NAV2: variants seen among roughly 807,000 people sequenced by gnomAD.
NAV2 encodes the protein helicase, APC down-regulated 1.
NAV2 carries 54 observed loss-of-function variants against 223.2 expected under a neutral mutation model. The ratio of observed to expected loss-of-function variants is 0.24; its 90% CI spans 0.19 to 0.30. NAV2 has a LOEUF of 0.30. Among genes scored for constraint, NAV2 ranks in the 10% least tolerant of loss-of-function variants. The probability of loss-of-function intolerance (pLI) is 1.00; values close to 1 mark genes in which losing one functional copy is unlikely to be tolerated. For synonymous variants in NAV2, 1,279 were observed against 1,239.3 expected, an observed-to-expected ratio of 1.03 and a Z score of -0.67; for missense variants, 2,806 against 3,147.5, an observed-to-expected ratio of 0.89 and a Z score of 2.60.
At chr11:19,686,769 A>T (rs1008781574) in intron 1 of NAV2, among the ~76,000 whole-genome samples, 1 of 152,120 alleles carries the variant, frequency 6.6e-6, no homozygotes, top group African/African-American at 2.4e-5. Flanking sequence ...CTTCAATAAG[A>T]TACTCCCTTC....
At chr11:19,726,180 C>T (rs1298830944) in intron 1 of NAV2, among the ~76,000 whole-genome samples, 3 of 152,208 alleles carry the variant, frequency 2.0e-5, no homozygotes, top group Non-Finnish European at 4.4e-5. Flanking sequence ...CCTTAACAGG[C>T]TAGATTATTT....
chr11:20,066,067 T>G (rs1481190500), intron 20 of NAV2, among the ~76,000 whole-genome samples: 1 of 152,204 alleles, frequency 6.6e-6, no homozygotes, highest in Non-Finnish European at 1.5e-5. Flanking sequence ...GCAATAGTAT[T>G]AGTACCTCCT....
At chr11:19,592,075 C>T (rs1380500472) in intron 1 of NAV2, among the ~76,000 whole-genome samples, 1 of 151,622 alleles carries the variant, frequency 6.6e-6, no homozygotes. Flanking sequence ...ACGTTTGGAT[C>T]ATCATTGAAT....
At chr11:19,947,148 G>T (rs952348019) in intron 9 of NAV2, among the ~76,000 whole-genome samples, 1 of 152,176 alleles carries the variant, frequency 6.6e-6, no homozygotes, top group Non-Finnish European at 1.5e-5. Context: ...CTCCCAGGGA[G>T]TCTCCTTTGC....
At chr11:19,888,217 A>G (rs1037907156) in intron 5 of NAV2, among the ~76,000 whole-genome samples, 9 of 152,180 alleles carry the variant, frequency 5.9e-5, no homozygotes, top group African/African-American at 2.2e-4. Context: ...GTGTTTGGAC[A>G]TACAGTGATT....
chr11:19,350,117 C>G (rs200751281), upstream of NAV2, among the ~76,000 whole-genome samples: 8 of 30,300 alleles, frequency 2.6e-4, no homozygotes, highest in Admixed American at 6.6e-4. Flanking sequence ...TGATGATGAT[C>G]ATGCACCCCA....
intron 1 of NAV2, among the ~76,000 whole-genome samples, chr11:19,585,216 CT>C (rs1394970163): frequency 6.6e-6 from 1 of 151,538 alleles, no homozygotes; most frequent in Admixed American, 6.6e-5. Context: ...GCCTTTTTTT[CT>C]TTTCCATTTG....
chr11:19,378,071 T>C (rs1387942350), intron 1 of NAV2, among the ~76,000 whole-genome samples: 1 of 152,146 alleles, frequency 6.6e-6, no homozygotes, highest in East Asian at 1.9e-4. Flanking sequence ...AAACAGCTCC[T>C]CTCCAGAGAG....
At chr11:19,352,139 G>T (rs1853364340) in intron 1 of NAV2, among the ~76,000 whole-genome samples, 1 of 152,138 alleles carries the variant, frequency 6.6e-6, no homozygotes, top group East Asian at 1.9e-4. Context: ...GCTATAATTT[G>T]GGAAGAATGC....
chr11:19,377,093 G>T lies in NAV2; in HGVS notation c.75+26066G>T, dbSNP rs551190274. ...CCCCAGACAAGCATCAGGAGACCTG[G>T]TTCTGGCTCCCAGCAATCTCTGTCC... On this transcript the variant is annotated intron_variant, in intron 1 of 37. Coordinates refer to the NAV2 transcript ENST00000360655. Among the ~76,000 whole-genome samples the T allele has an allele frequency of 3.3e-5, 5 of 152,304 alleles. No individual in the cohort carries two copies. The East Asian group carries it at 5.8e-4, about 18-fold the overall frequency.
chr11:19,807,752 C>A (rs1222534661), intron 1 of NAV2, among the ~76,000 whole-genome samples: 3 of 152,230 alleles, frequency 2.0e-5, no homozygotes, highest in Non-Finnish European at 4.4e-5. Flanking sequence ...GTGCTCATAG[C>A]AGTGTTCTCC....
chr11:19,801,052 G>A (rs1359983609), intron 1 of NAV2, among the ~76,000 whole-genome samples: 1 of 152,184 alleles, frequency 6.6e-6, no homozygotes, highest in Non-Finnish European at 1.5e-5. Context: ...GGGAGGTTTT[G>A]TATTTTAACC....
chr11:19,421,795 C>T (rs1850624487), intron 1 of NAV2, among the ~76,000 whole-genome samples: 1 of 98,574 alleles, frequency 1.0e-5, no homozygotes, highest in Admixed American at 1.5e-4. Flanking sequence ...TTTGCCCAAG[C>T]ATGAGAAGTT....
At chr11:20,024,246 A>G (rs553937549) in intron 11 of NAV2, among the ~76,000 whole-genome samples, 1 of 152,308 alleles carries the variant, frequency 6.6e-6, no homozygotes, top group Admixed American at 6.5e-5. Flanking sequence ...AGGGCTGTGT[A>G]TTAAGAAGCA....
In NAV2 at chr11:20,077,904, G is replaced by T. The variant is rs113300719; in HGVS notation, c.5068-89G>T. On this transcript the variant is annotated intron_variant, in intron 23 of 37. Transcript: ENST00000349880. ...GGTTTTGTTGAGCTACTTCATTCCC[G>T]CTCCTCCTGTGTTGAAGCCAAGTTG... 9.6e-3 allele frequency: 9,805 copies of T among 1,022,570 alleles called. 67 individuals are homozygous for T. Among genetic ancestry groups the T allele is most frequent in the Non-Finnish European group, 0.011 (7,420 of 668,094 alleles). 63.3% of individuals were successfully genotyped at this position (1,022,570 alleles called of 1,614,324 possible). A position where few individuals can be genotyped will look rare whatever the true frequency, so the allele number is the denominator to read the frequency against.
At chr11:19,753,093 A>AT (rs755961428) in intron 1 of NAV2, among the ~76,000 whole-genome samples, 1 of 152,218 alleles carries the variant, frequency 6.6e-6, no homozygotes, top group Non-Finnish European at 1.5e-5. Context: ...GAACCTAACC[A>AT]TGCTGGCACC....
At chr11:19,961,648 A>T (rs78591311) in intron 10 of NAV2, among the ~76,000 whole-genome samples, 7,212 of 152,192 alleles carry the variant, frequency 0.047, 539 homozygotes, top group African/African-American at 0.16. Context: ...GACCATAGGG[A>T]AATTTCTTCC....
At chr11:19,851,087 A>C (rs888115254) in intron 3 of NAV2, among the ~76,000 whole-genome samples, 7 of 152,170 alleles carry the variant, frequency 4.6e-5, no homozygotes, top group African/African-American at 1.7e-4. Flanking sequence ...TTTTATCTGT[A>C]TTGACTGATT....
At chr11:19,763,691 A>G (rs573678230) in intron 1 of NAV2, among the ~76,000 whole-genome samples, 2 of 152,304 alleles carry the variant, frequency 1.3e-5, no homozygotes, top group Non-Finnish European at 2.9e-5. Context: ...TCTCAGCTCC[A>G]TGGGAGACTG....
Sources: allele counts gnomAD v4.1 joint callset (sites outside exome capture counted in the v4.1 genomes callset), GRCh38; gene constraint gnomAD v4.1.1; transcripts MANE v1.5; gene names NCBI Gene and HGNC (gene_info 2026-07-23, HGNC 2026-07-21).